Variants in CCM2 observed in about 807,000 individuals in gnomAD.
CCM2 encodes the protein cerebral cavernous malformations 2 protein.
Under a neutral mutation model 44.9 loss-of-function variants are expected in CCM2, and 25 were observed. That is an observed-to-expected ratio of 0.56 (90% confidence interval 0.41 to 0.78). CCM2 has a LOEUF of 0.78. Among genes scored for constraint, CCM2 ranks in the 30% least tolerant of loss-of-function variants. CCM2 has a pLI of 0.00. For missense variants in CCM2, 481 were observed against 580.6 expected, an observed-to-expected ratio of 0.83 and a Z score of 1.76; for synonymous variants, 219 against 241.1, an observed-to-expected ratio of 0.91 and a Z score of 0.85.
rs73694262 is a variant in CCM2 at position 45,043,835 on chromosome 7, A to C, written c.204+5409A>C. The C allele has an allele frequency of 5.4e-3, 1,699 of 316,504 alleles. 26 individuals carry two copies. Among genetic ancestry groups the C allele is most frequent in the African/African-American group, 0.037 (1,615 of 43,816 alleles). The allele number at this position is 316,504 out of a possible 1,614,324, so 19.6% of individuals were successfully genotyped here. A position where few individuals can be genotyped will look rare whatever the true frequency, so the allele number is the denominator to read the frequency against. ...TTTCAAACCACTCTCCGTCTTATGA[A>C]TTCATTCCTCAACTGTATTCATTCA... is the stretch of plus-strand genomic sequence containing the variant. On this transcript the variant is annotated intron_variant, in intron 2 of 9. Coordinates refer to ENST00000258781, the MANE Select transcript of CCM2 (RefSeq NM_031443.4).
intron 2 of CCM2, among the ~76,000 whole-genome samples, chr7:45,059,418 TA>T (rs55678662): frequency 3.0e-3 from 397 of 131,258 alleles, no homozygotes; most frequent in Middle Eastern, 3.9e-3. Context: ...CCCTGTCTGT[TA>T]AAAAAAAAAA....
At chr7:45,037,851 C>T (rs1053963980) in intron 1 of CCM2, among the ~76,000 whole-genome samples, 28 of 152,354 alleles carry the variant, frequency 1.8e-4, no homozygotes, top group African/African-American at 6.5e-4. Flanking sequence ...CCACACCTTC[C>T]ACCTGCCTTC....
rs1799141748 is a variant in CCM2, at chr7:45,072,783, T to C, written c.803T>C (p.Phe268Ser). The C allele has an allele frequency of 1.2e-6, 2 of 1,611,180 alleles. No individual in the cohort carries two copies. The highest frequency in any genetic ancestry group is 1.7e-6 in the Non-Finnish European group (2 of 1,178,654). Residue 268 changes from phenylalanine to serine, a missense_variant and splice_region_variant, in exon 7 of 10, where the codon TTC becomes TCC. Transcript: ENST00000258781. ...KETYEVEAST[F>S]CFPESVDVGG... ...ACCTACGAGGTGGAAGCCAGCACTTTGTGAGTGCACATGCCACCAAGCCCT... is the reference window on the plus strand; with the variant it reads ...ACCTACGAGGTGGAAGCCAGCACTTCGTGAGTGCACATGCCACCAAGCCCT...
At position 45,034,620 on chromosome 7, in the gene CCM2, G is replaced by A. The variant is rs1467204321; in HGVS notation, c.31-3633G>A. Among the ~76,000 whole-genome samples the A allele has an allele frequency of 7.4e-5, 10 of 135,920 alleles. No individual in the cohort carries two copies. The East Asian group carries it at 2.1e-3, about 29-fold the overall frequency. The allele number at this position is 135,920 out of a possible 152,430, so 89.2% of individuals were successfully genotyped here. On this transcript the variant is annotated intron_variant, in intron 1 of 9. Transcript: ENST00000258781. ...TGCAACCTCCGCTTCCCCGGTTCAA[G>A]CAATTCTCCTGCCTCAGCCTCCCAA... is the stretch of plus-strand genomic sequence containing the variant.
intron 2 of CCM2, among the ~76,000 whole-genome samples, chr7:45,059,759 TA>T (rs1345628877): frequency 6.6e-6 from 1 of 152,160 alleles, no homozygotes; most frequent in African/African-American, 2.4e-5. Context: ...TGTGTGTATA[TA>T]TATATATTTA....
chr7:45,064,426 T>C (rs776171681), intron 3 of CCM2, 37 bp from the exon 4 acceptor site: 1 of 1,607,236 alleles, frequency 6.2e-7, no homozygotes, highest in South Asian at 1.1e-5. Flanking sequence ...GGTTGACAGC[T>C]GAGTCTGTAT....
At chr7:45,006,367 G>T (rs1353630508) in intron 1 of CCM2, among the ~76,000 whole-genome samples, 2 of 151,008 alleles carry the variant, frequency 1.3e-5, no homozygotes, top group Non-Finnish European at 2.9e-5. Context: ...TTTAGACGGA[G>T]TCTTGTTGCT....
chr7:45,027,775 C>G (rs1426887226), intron 1 of CCM2: 1 of 1,614,210 alleles, frequency 6.2e-7, no homozygotes, highest in South Asian at 1.1e-5. Flanking sequence ...GAATTTCACA[C>G]AGGGTATTCC....
chr7:45,070,036 T>A (rs772776115), intron 6 of CCM2, 75 bp downstream of exon 6: 15 of 1,564,078 alleles, frequency 9.6e-6, no homozygotes, highest in Non-Finnish European at 1.3e-5. Flanking sequence ...CAGCTCCCCA[T>A]GAGTTACTCC....
chr7:45,055,063 C>G (rs1056362806), intron 2 of CCM2, among the ~76,000 whole-genome samples: 1 of 152,170 alleles, frequency 6.6e-6, no homozygotes, highest in African/African-American at 2.4e-5. Context: ...AATCGTGAAT[C>G]CTCTTTAGAG....
At chr7:45,058,975 C>T (rs1798398846) in intron 2 of CCM2, among the ~76,000 whole-genome samples, 1 of 151,076 alleles carries the variant, frequency 6.6e-6, no homozygotes, top group Non-Finnish European at 1.5e-5. Flanking sequence ...AAACTCCTGA[C>T]CTCAGGTGAT....
chr7:45,038,521 A>G (rs1319274727), intron 2 of CCM2, 95 bp downstream of exon 2: 1 of 1,238,416 alleles, frequency 8.1e-7, no homozygotes, highest in Non-Finnish European at 1.2e-6. Flanking sequence ...AGACACAGCC[A>G]CACAAACACC....
rs745730983 is a variant in CCM2, at chr7:45,064,503, A to G, written c.329A>G (p.Asp110Gly). ...QLPGHLTQEH[D>G]AVLSLSAYNV... ...CCGGGACACTTGACTCAGGAGCACG[A>G]TGCTGTGCTCAGCCTGTCTGCGTAC... The change falls in exon 4 of 10, where the codon GAT (aspartate) becomes GGT (glycine). Residue 110 changes from aspartate to glycine, a missense_variant. Physicochemically the swap from Asp to Gly is moderately conservative, Grantham distance 94 (BLOSUM62 -1). Transcript: ENST00000258781. 2.5e-6 allele frequency: 4 copies of G among 1,613,774 alleles called. No individual in the cohort carries two copies. Among genetic ancestry groups the G allele is most frequent in the Non-Finnish European group, 3.4e-6 (4 of 1,179,930 alleles).
chr7:45,038,454 C>T (rs780210490), intron 2 of CCM2, 28 bp downstream of exon 2: 2 of 1,611,664 alleles, frequency 1.2e-6, no homozygotes, highest in Non-Finnish European at 1.7e-6. Flanking sequence ...ACAGGACGTG[C>T]CTGCCAAACG....
chr7:45,052,176 G>A (rs138966160), intron 2 of CCM2, among the ~76,000 whole-genome samples: 101 of 152,314 alleles, frequency 6.6e-4, no homozygotes, highest in African/African-American at 2.2e-3. Context: ...ACCCTTATGT[G>A]GAGGACATGC....
At chr7:45,027,726 A>C in intron 1 of CCM2, 2 of 1,614,142 alleles carry the variant, frequency 1.2e-6, no homozygotes, top group Non-Finnish European at 1.7e-6. Context: ...CTGTCGGCAG[A>C]GGAGGAACCA....
chr7:45,064,660 G>A lies in CCM2; in HGVS notation c.472+14G>A. 1 of 1,613,442 alleles carries A rather than the reference G, an allele frequency of 6.2e-7. No individual in the cohort carries two copies. The highest frequency in any genetic ancestry group is 1.1e-5 in the South Asian group (1 of 91,038). On this transcript the variant is annotated intron_variant, in intron 4 of 9. Transcript: ENST00000258781. ...TCCTGAAGACAGGTACAGGAGGTCAGGGGTCAGGAGGGTCCTTGTCCTAAG... is the reference window on the plus strand; with the variant it reads ...TCCTGAAGACAGGTACAGGAGGTCAAGGGTCAGGAGGGTCCTTGTCCTAAG...
chr7:45,004,273 A>C (rs182455189), intron 1 of CCM2, among the ~76,000 whole-genome samples: 23 of 152,348 alleles, frequency 1.5e-4, no homozygotes, highest in African/African-American at 5.5e-4. Flanking sequence ...ATGATAATTA[A>C]GTTCTGATCT....
chr7:45,053,509 G>A (rs190746613), intron 2 of CCM2, among the ~76,000 whole-genome samples: 4 of 152,300 alleles, frequency 2.6e-5, no homozygotes, highest in Admixed American at 2.0e-4. Flanking sequence ...TCTGTGAGCC[G>A]TCTCCATAGA....
Sources: gnomAD v4.1 joint callset for allele counts (sites outside exome capture counted in the v4.1 genomes callset) on GRCh38, gnomAD v4.1.1 for gene constraint, MANE v1.5 for transcripts, NCBI Gene and HGNC (gene_info 2026-07-23, HGNC 2026-07-21) for gene names.